RP1: variants seen among roughly 807,000 people sequenced by gnomAD.
The protein encoded by RP1 is oxygen-regulated protein 1.
RP1 carries 16 observed loss-of-function variants against 14.8 expected under a neutral mutation model. The observed-to-expected ratio is 1.08, with a 90% CI of 0.73 to 1.65. RP1 has a LOEUF of 1.65. Ranked by LOEUF, RP1 falls within the 40% of genes most tolerant of loss-of-function variation. RP1 has a pLI of 0.00. For synonymous variants in RP1, 876 were observed against 883.6 expected (o/e 0.99, Z 0.15); for missense variants, 2,631 against 2,535.0 (o/e 1.04, Z -0.81).
At chr8:54,845,495 G>A (rs771834799) in intron 25 of RP1, among the ~76,000 whole-genome samples, 1 of 152,198 alleles carries the variant, frequency 6.6e-6, no homozygotes, top group African/African-American at 2.4e-5. Context: ...CCCGGTGCAC[G>A]GATGAGTGGA....
At chr8:54,783,917 T>G (rs1376927254) in intron 24 of RP1, among the ~76,000 whole-genome samples, 1 of 152,214 alleles carries the variant, frequency 6.6e-6, no homozygotes, top group Non-Finnish European at 1.5e-5. Flanking sequence ...CTTCATTTTT[T>G]TATTTGTATA....
At chr8:54,765,391 G>A (rs1809737017) in intron 22 of RP1, among the ~76,000 whole-genome samples, 1 of 152,200 alleles carries the variant, frequency 6.6e-6, no homozygotes, top group Non-Finnish European at 1.5e-5. Context: ...TACAGAACAG[G>A]GCTGAGTATA....
At chr8:54,681,552 T>C in intron 12 of RP1, among the ~76,000 whole-genome samples, 1 of 151,626 alleles carries the variant, frequency 6.6e-6, no homozygotes, top group East Asian at 1.9e-4. Flanking sequence ...TTTAATCAAC[T>C]TTTAAGTTCC....
At chr8:54,623,318 G>T (rs1020033110) in intron 3 of RP1, among the ~76,000 whole-genome samples, 1 of 151,956 alleles carries the variant, frequency 6.6e-6, no homozygotes, top group Non-Finnish European at 1.5e-5. Context: ...GCTTTGTTAA[G>T]TTTTCTTCAA....
chr8:54,701,670 G>A (rs1289773626), intron 14 of RP1: 1 of 1,533,438 alleles, frequency 6.5e-7, no homozygotes, highest in Non-Finnish European at 8.7e-7. Context: ...AAGGTAAAAT[G>A]GAGAAAGTTA....
chr8:54,602,607 A>G (rs1338617747), intron 1 of RP1, among the ~76,000 whole-genome samples: 1 of 152,170 alleles, frequency 6.6e-6, no homozygotes, highest in Non-Finnish European at 1.5e-5. Flanking sequence ...CTGAGGAATC[A>G]CTACACTGAC....
intron 3 of RP1, among the ~76,000 whole-genome samples, chr8:54,639,828 A>G (rs1806422609): frequency 6.6e-6 from 1 of 152,182 alleles, no homozygotes; most frequent in Admixed American, 6.5e-5. Flanking sequence ...AAGCAATTAT[A>G]TATATAATAC....
At chr8:54,658,884 G>GTT (rs34788930) in intron 6 of RP1, among the ~76,000 whole-genome samples, 303 of 145,646 alleles carry the variant, frequency 2.1e-3, no homozygotes, top group African/African-American at 5.5e-3. Flanking sequence ...CCCAACACTT[G>GTT]TTTTTTTTTT....
At chr8:54,788,063 G>T (rs1810370073) in intron 24 of RP1, among the ~76,000 whole-genome samples, 3 of 152,134 alleles carry the variant, frequency 2.0e-5, no homozygotes, top group African/African-American at 2.4e-5. Flanking sequence ...TGACTCTTAT[G>T]ATCCTGCCCA....
chr8:54,710,845 A>G (rs894247284), intron 15 of RP1, among the ~76,000 whole-genome samples: 1 of 152,138 alleles, frequency 6.6e-6, no homozygotes, highest in Non-Finnish European at 1.5e-5. Flanking sequence ...GGGGCAGGCC[A>G]TAGGTAGTTT....
intron 8 of RP1, among the ~76,000 whole-genome samples, chr8:54,677,886 T>C (rs1049335130): frequency 1.3e-5 from 2 of 152,230 alleles, no homozygotes; most frequent in Non-Finnish European, 1.5e-5. Context: ...ATATTTTATG[T>C]GTAAGTAAAA....
intron 15 of RP1, chr8:54,720,021 A>G (rs1382316372): frequency 1.1e-6 from 1 of 899,724 alleles, no homozygotes; most frequent in Non-Finnish European, 1.6e-6. Context: ...TAGATTTATC[A>G]TAGTGATTCG....
chr8:54,618,791 G>A (rs1294111680), intron 1 of RP1, among the ~76,000 whole-genome samples: 1 of 152,140 alleles, frequency 6.6e-6, no homozygotes, highest in African/African-American at 2.4e-5. Flanking sequence ...GAGTAGAGTA[G>A]CTGGGACTAC....
chr8:54,636,935 A>G (rs1806359514), intron 3 of RP1, among the ~76,000 whole-genome samples: 1 of 152,216 alleles, frequency 6.6e-6, no homozygotes, highest in Non-Finnish European at 1.5e-5. Flanking sequence ...AACTAGGACC[A>G]AGAGAAAGTT....
At chr8:54,840,983 GA>G (rs1811777148) in intron 25 of RP1, among the ~76,000 whole-genome samples, 1 of 152,068 alleles carries the variant, frequency 6.6e-6, no homozygotes, top group Non-Finnish European at 1.5e-5. Context: ...CATTTAGGGG[GA>G]AAACATTAAA....
chr8:54,606,705 C>T (rs547260811), intron 1 of RP1, among the ~76,000 whole-genome samples: 1 of 152,324 alleles, frequency 6.6e-6, no homozygotes, highest in African/African-American at 2.4e-5. Flanking sequence ...TTGGTCTTTT[C>T]ACATAGTCCC....
intron 3 of RP1, among the ~76,000 whole-genome samples, chr8:54,639,475 A>G (rs1021436820): frequency 1.3e-4 from 20 of 152,154 alleles, no homozygotes; most frequent in African/African-American, 3.9e-4. Flanking sequence ...TTGTATGTTA[A>G]TGAGAAATTG....
At chr8:54,679,605 T>C in exon 11 of RP1, 2 of 1,536,018 alleles carry the variant, frequency 1.3e-6, no homozygotes, top group Non-Finnish European at 1.7e-6. Context: ...GGGCAGAAAT[T>C]GGAACTTAAG....
intron 19 of RP1, among the ~76,000 whole-genome samples, chr8:54,748,338 C>G (rs1442308811): frequency 1.3e-5 from 2 of 152,164 alleles, no homozygotes; most frequent in African/African-American, 2.4e-5. Flanking sequence ...GTTCAGTGAA[C>G]AGCAGGAAGC....
Sources: allele counts gnomAD v4.1 joint callset (sites outside exome capture counted in the v4.1 genomes callset), GRCh38; gene constraint gnomAD v4.1.1; transcripts MANE v1.5; gene names NCBI Gene and HGNC (gene_info 2026-07-23, HGNC 2026-07-21).